Variants in CDH18 observed in about 807,000 individuals in gnomAD.
CDH18 encodes cadherin-18.
CDH18 carries 31 observed loss-of-function variants against 67.9 expected under a neutral mutation model. The observed-to-expected ratio is 0.46, with a 90% CI of 0.34 to 0.62. The LOEUF (loss-of-function observed/expected upper bound fraction) is 0.62. Ranked by LOEUF, CDH18 falls within the 20% of genes least tolerant of loss-of-function variation. The pLI, the probability that CDH18 is intolerant of heterozygous loss-of-function variation, is 0.01. For missense variants in CDH18, 890 were observed against 975.5 expected (o/e 0.91, Z 1.17); for synonymous variants, 362 against 347.2 (o/e 1.04, Z -0.48).
At chr5:20,388,691 C>A (rs537504791) in intron 1 of CDH18, among the ~76,000 whole-genome samples, 1 of 152,214 alleles carries the variant, frequency 6.6e-6, no homozygotes, top group South Asian at 2.1e-4. Flanking sequence ...TTCCTGCTTT[C>A]TCTTGTGGGC....
At chr5:19,500,601 T>G (rs1409677690) in intron 11 of CDH18, among the ~76,000 whole-genome samples, 1 of 152,210 alleles carries the variant, frequency 6.6e-6, no homozygotes, top group Non-Finnish European at 1.5e-5. Flanking sequence ...ACTCAAAAAT[T>G]GTAAAAATAT....
chr5:19,539,162 C>A (rs1276672189), intron 9 of CDH18, among the ~76,000 whole-genome samples: 1 of 152,104 alleles, frequency 6.6e-6, no homozygotes, highest in South Asian at 2.1e-4. Context: ...TTTCTATACA[C>A]CTGTTTATGA....
chr5:20,227,886 T>C (rs1385667644), intron 2 of CDH18, among the ~76,000 whole-genome samples: 18 of 152,086 alleles, frequency 1.2e-4, no homozygotes, highest in Admixed American at 1.2e-3. Flanking sequence ...TTTTTCTCTC[T>C]TCTCTGTCAC....
At chr5:19,689,673 CA>C (rs1276930099) in intron 5 of CDH18, among the ~76,000 whole-genome samples, 5 of 151,468 alleles carry the variant, frequency 3.3e-5, no homozygotes, top group Admixed American at 3.3e-4. Flanking sequence ...ACCACCAAAC[CA>C]AAATGATACA....
chr5:20,566,577 A>G (rs532136545), intron 1 of CDH18, among the ~76,000 whole-genome samples: 4 of 126,238 alleles, frequency 3.2e-5, no homozygotes, highest in Admixed American at 9.8e-5. Flanking sequence ...GGGTTTCACC[A>G]TGTTGGCCGA....
intron 12 of CDH18, among the ~76,000 whole-genome samples, chr5:19,478,936 A>G (rs1203086895): frequency 6.6e-6 from 1 of 152,204 alleles, no homozygotes; most frequent in Admixed American, 6.5e-5. Flanking sequence ...TAACCTCAAC[A>G]GACAGTAACT....
intron 2 of CDH18, among the ~76,000 whole-genome samples, chr5:20,110,222 G>T (rs1580264933): frequency 1.3e-5 from 2 of 152,146 alleles, no homozygotes; most frequent in Admixed American, 1.3e-4. Flanking sequence ...ACAAAAATTA[G>T]TGCTTGTATA....
chr5:19,540,337 G>T (rs182840530), intron 9 of CDH18, among the ~76,000 whole-genome samples: 1 of 152,118 alleles, frequency 6.6e-6, no homozygotes, highest in African/African-American at 2.4e-5. Flanking sequence ...TGCTTTCAGG[G>T]CTGGCATTGA....
chr5:20,246,311 A>G (rs951908658), intron 2 of CDH18, among the ~76,000 whole-genome samples: 2 of 152,184 alleles, frequency 1.3e-5, no homozygotes, highest in African/African-American at 2.4e-5. Flanking sequence ...TATATCAATG[A>G]TGGCTTACTG....
chr5:20,168,148 C>T (rs1736438970), intron 2 of CDH18, among the ~76,000 whole-genome samples: 2 of 152,018 alleles, frequency 1.3e-5, no homozygotes, highest in Admixed American at 1.3e-4. Context: ...TTTGCTTCAC[C>T]AAGCAAGCAA....
rs1489697235 is a variant in CDH18, at chr5:19,785,703, T to A, written c.229-38467A>T. Among the ~76,000 whole-genome samples the A allele has an allele frequency of 6.5e-4, 57 of 88,334 alleles. 1 individual carries two copies. The highest frequency in any genetic ancestry group is 9.5e-4 in the East Asian group (3 of 3,170). The allele number at this position is 88,334 out of a possible 152,430, so 58.0% of individuals were successfully genotyped here. A position where few individuals can be genotyped will look rare whatever the true frequency, so the allele number is the denominator to read the frequency against. On this transcript the variant is annotated intron_variant, in intron 3 of 12. Transcript: ENST00000382275. ...AAATATATATATATATATATATATATATATATATATATATATATATATGCA... is the reference window on the plus strand; with the variant it reads ...AAATATATATATATATATATATATAAATATATATATATATATATATATGCA...
At chr5:20,380,818 A>G (rs944778906) in intron 1 of CDH18, among the ~76,000 whole-genome samples, 3 of 152,176 alleles carry the variant, frequency 2.0e-5, no homozygotes, top group Non-Finnish European at 4.4e-5. Flanking sequence ...ACAGGATTAT[A>G]CTGATTAACT....
chr5:20,158,347 A>G (rs1329230544), intron 2 of CDH18, among the ~76,000 whole-genome samples: 1 of 152,166 alleles, frequency 6.6e-6, no homozygotes, highest in African/African-American at 2.4e-5. Context: ...AACAAGGCAT[A>G]TTATGGAAGT....
chr5:20,522,829 G>A (rs369945341), intron 1 of CDH18, among the ~76,000 whole-genome samples: 147 of 152,170 alleles, frequency 9.7e-4, no homozygotes, highest in African/African-American at 3.3e-3. Context: ...TTATGCGCAC[G>A]CACTTGTAAT....
Position 20,416,466 on chromosome 5 carries a change from T to A in CDH18, c.-580+158996A>T, listed in dbSNP as rs542401259. On this transcript the variant is annotated intron_variant, in intron 1 of 14. Coordinates refer to the CDH18 transcript ENST00000507958. ...GAATGTGCTTACAGAAAAAAGTAAGTTTAAGGGAAAGCATATAGAATTAAT... is the reference window on the plus strand; with the variant it reads ...GAATGTGCTTACAGAAAAAAGTAAGATTAAGGGAAAGCATATAGAATTAAT... 1.7e-4 allele frequency among the ~76,000 whole-genome samples: 26 copies of A among 152,082 alleles called. No homozygotes were observed. The South Asian group carries it at 4.6e-3, about 27-fold the overall frequency.
At chr5:20,547,293 G>C (rs1011731118) in intron 1 of CDH18, among the ~76,000 whole-genome samples, 1 of 151,956 alleles carries the variant, frequency 6.6e-6, no homozygotes, top group Non-Finnish European at 1.5e-5. Flanking sequence ...GCCAGGCATG[G>C]TGCTCATGCC....
intron 2 of CDH18, among the ~76,000 whole-genome samples, chr5:20,113,100 T>C (rs1194496611): frequency 1.3e-5 from 2 of 152,216 alleles, no homozygotes; most frequent in Non-Finnish European, 2.9e-5. Flanking sequence ...ATGCTACTAA[T>C]AGGCAAGTGA....
chr5:19,884,027 G>T (rs1288239229), intron 2 of CDH18, among the ~76,000 whole-genome samples: 1 of 152,106 alleles, frequency 6.6e-6, no homozygotes, highest in Non-Finnish European at 1.5e-5. Flanking sequence ...TTTATGTGCA[G>T]TAAAGCATGG....
chr5:19,649,954 T>C (rs568739740), intron 5 of CDH18, among the ~76,000 whole-genome samples: 26 of 152,172 alleles, frequency 1.7e-4, no homozygotes, highest in African/African-American at 5.3e-4. Context: ...CTCATCAAAC[T>C]ATATGTCAAA....
Sources: gnomAD v4.1 joint callset for allele counts (sites outside exome capture counted in the v4.1 genomes callset) on GRCh38, gnomAD v4.1.1 for gene constraint, MANE v1.5 for transcripts, NCBI Gene and HGNC (gene_info 2026-07-23, HGNC 2026-07-21) for gene names.